Variants in TFB1M observed in about 807,000 individuals in gnomAD.
TFB1M encodes the protein transcription factor B1, mitochondrial, also known as dimethyladenosine transferase 1, mitochondrial.
TFB1M carries 27 observed loss-of-function variants against 31.1 expected under a neutral mutation model. The ratio of observed to expected loss-of-function variants is 0.87; its 90% CI spans 0.64 to 1.20. The LOEUF is 1.20. Among genes scored for constraint, TFB1M ranks in the 50% most tolerant of loss-of-function variants. The pLI, the probability that TFB1M is intolerant of heterozygous loss-of-function variation, is 0.00. For missense variants in TFB1M, 394 were observed against 418.7 expected, an observed-to-expected ratio of 0.94 and a Z score of 0.51; for synonymous variants, 166 against 151.8, an observed-to-expected ratio of 1.09 and a Z score of -0.69.
chr6:155,252,522 T>C (rs1783727200), downstream of TFB1M, among the ~76,000 whole-genome samples: 1 of 152,208 alleles, frequency 6.6e-6, no homozygotes, highest in Admixed American at 6.5e-5. Context: ...GGGGCCTACA[T>C]AGAACATCGA....
intron 6 of TFB1M, among the ~76,000 whole-genome samples, chr6:155,258,523 ACTT>A (rs1231075538): frequency 7.4e-6 from 1 of 135,748 alleles, no homozygotes; most frequent in Non-Finnish European, 1.6e-5. Flanking sequence ...TAAAAGAGTT[ACTT>A]TTTTTTGCTA....
Position 155,256,999 on chromosome 6 carries a change from C to CA in TFB1M, c.*836dup. ...GATCCGTCACCAGTCCCTTGACAGT[C>CA]AGTCTGAAAATGCCACCATCGACCT... On this transcript the variant is annotated 3_prime_UTR_variant, in exon 7 of 7. Coordinates refer to ENST00000367166, the MANE Select transcript of TFB1M (RefSeq NM_016020.4). 6.2e-7 allele frequency: 1 copy of CA among 1,614,154 alleles called. No homozygotes were observed. The highest frequency in any genetic ancestry group is 1.1e-5 in the South Asian group (1 of 91,068).
the TFB1M span, chr6:155,245,636 C>T: frequency 1.2e-6 from 2 of 1,613,926 alleles, no homozygotes; most frequent in East Asian, 4.5e-5. Context: ...TTACTGTTTT[C>T]CCTTGGAGGC....
intron 5 of TFB1M, among the ~76,000 whole-genome samples, chr6:155,279,543 A>G (rs1785394009): frequency 6.6e-6 from 1 of 152,192 alleles, no homozygotes; most frequent in African/African-American, 2.4e-5. Context: ...GTTAGACAGA[A>G]GTTCAGTTTT....
chr6:155,251,134 T>C, downstream of TFB1M: 1 of 905,770 alleles, frequency 1.1e-6, no homozygotes. Flanking sequence ...AGAATTGCTA[T>C]AATGGTTGGG....
intron 6 of TFB1M, among the ~76,000 whole-genome samples, chr6:155,259,323 A>C (rs1001356768): frequency 6.6e-6 from 1 of 152,262 alleles, no homozygotes; most frequent in Admixed American, 6.5e-5. Flanking sequence ...CTGCTAGAGA[A>C]GCAGGAACTA....
At position 155,257,263 on chromosome 6, in the gene TFB1M, A is replaced by G. The variant is rs1784118819; in HGVS notation, c.*573T>C. ...ATACATTTTCCCACAAAATGGTTGTAAAGATTTAAGTTATTTTAATTTATT... is the reference window on the plus strand; with the variant it reads ...ATACATTTTCCCACAAAATGGTTGTGAAGATTTAAGTTATTTTAATTTATT... On this transcript the variant is annotated 3_prime_UTR_variant, in exon 7 of 7. Coordinates refer to ENST00000367166, the MANE Select transcript of TFB1M (RefSeq NM_016020.4). 3 of 945,218 alleles carry G rather than the reference A, an allele frequency of 3.2e-6. No individual in the cohort carries two copies. The highest frequency in any genetic ancestry group is 3.4e-4 in the Middle Eastern group (1 of 2,956). The allele number at this position is 945,218 out of a possible 1,614,324, so 58.6% of individuals were successfully genotyped here.
chr6:155,287,582 G>GTGTGTA (rs532523784), intron 4 of TFB1M, among the ~76,000 whole-genome samples: 2 of 151,084 alleles, frequency 1.3e-5, no homozygotes, highest in Non-Finnish European at 2.9e-5. Flanking sequence ...GTGTATGTGT[G>GTGTGTA]TGTGGTGTAT....
intron 5 of TFB1M, chr6:155,275,580 C>CTT: frequency 3.7e-6 from 3 of 805,612 alleles, no homozygotes; most frequent in Non-Finnish European, 6.0e-6. Flanking sequence ...TACTTACTTT[C>CTT]TTTCGCTCAA....
downstream of TFB1M, chr6:155,254,262 C>A: frequency 9.5e-7 from 1 of 1,049,016 alleles, no homozygotes; most frequent in Non-Finnish European, 1.4e-6. Context: ...TCAATTCTCA[C>A]CTCCTTCTGT....
chr6:155,247,729 A>C, the TFB1M span, among the ~76,000 whole-genome samples: 3 of 152,188 alleles, frequency 2.0e-5, no homozygotes, highest in African/African-American at 7.2e-5. Flanking sequence ...AAAGTCAGAC[A>C]TTCCTGCATT....
chr6:155,296,023 A>AT (rs565376080), intron 4 of TFB1M, among the ~76,000 whole-genome samples: 5 of 152,040 alleles, frequency 3.3e-5, no homozygotes, highest in Non-Finnish European at 7.4e-5. Context: ...TCATAATAAA[A>AT]TTTTTTTAAA....
At chr6:155,261,824 A>G (rs994313343) in intron 5 of TFB1M, among the ~76,000 whole-genome samples, 1 of 152,178 alleles carries the variant, frequency 6.6e-6, no homozygotes, top group African/African-American at 2.4e-5. Flanking sequence ...CGGCCTTTCC[A>G]CACCCCAAAT....
chr6:155,295,234 C>T (rs977267620), intron 4 of TFB1M, among the ~76,000 whole-genome samples: 3 of 151,848 alleles, frequency 2.0e-5, no homozygotes, highest in Admixed American at 6.6e-5. Context: ...GGCGTGGTGG[C>T]GGGCGCCTGT....
Position 155,311,244 on chromosome 6 carries a change from C to A in TFB1M, c.229G>T (p.Asp77Tyr), listed in dbSNP as rs765856279. Reference protein sequence around the residue: ...GGITRSILNADVAELLVVEKD... With the variant: ...GGITRSILNAYVAELLVVEKD... ...TCAACCACCAGAAGTTCAGCGACGT[C>A]GGCATTAAGAATAGATCTTGTGATT... Residue 77 changes from aspartate (D) to tyrosine (Y), a missense_variant, in exon 2 of 7, where the codon GAC becomes TAC. Coordinates refer to ENST00000367166, the MANE Select transcript of TFB1M (RefSeq NM_016020.4). The A allele has an allele frequency of 6.2e-7, 1 of 1,614,074 alleles. No homozygotes were observed. The highest frequency in any genetic ancestry group is 1.7e-5 in the Admixed American group (1 of 60,020).
In TFB1M at chr6:155,257,263, A is replaced by AAAG. The variant is rs1309658387; in HGVS notation, c.*570_*572dup. Reference sequence around the variant, plus strand: ...ATACATTTTCCCACAAAATGGTTGTAAAGATTTAAGTTATTTTAATTTATT... The same window carrying AAAG: ...ATACATTTTCCCACAAAATGGTTGTAAAGAAGATTTAAGTTATTTTAATTTATT... On this transcript the variant is annotated 3_prime_UTR_variant, in exon 7 of 7. Transcript: ENST00000367166. 4.2e-6 allele frequency: 4 copies of AAAG among 945,122 alleles called. No individual in the cohort carries two copies. In the African/African-American group the frequency reaches 5.0e-5, roughly 12 times the overall value. 58.5% of individuals were successfully genotyped at this position (945,122 alleles called of 1,614,324 possible). A position where few individuals can be genotyped will look rare whatever the true frequency, so the allele number is the denominator to read the frequency against.
intron 2 of TFB1M, among the ~76,000 whole-genome samples, chr6:155,300,187 C>T (rs530914390): frequency 6.6e-6 from 1 of 152,158 alleles, no homozygotes; most frequent in East Asian, 1.9e-4. Context: ...CAGATTTATA[C>T]AAATAATCTT....
Position 155,303,540 on chromosome 6 carries a change from A to G in TFB1M, c.286-4955T>C, listed in dbSNP as rs564850113. 3.3e-5 allele frequency: 5 copies of G among 152,350 alleles called. No individual in the cohort carries two copies. The East Asian group carries it at 9.6e-4, about 29-fold the overall frequency. 9.4% of individuals were successfully genotyped at this position (152,350 alleles called of 1,614,324 possible). On this transcript the variant is annotated intron_variant, in intron 2 of 6. Coordinates refer to ENST00000367166, the MANE Select transcript of TFB1M (RefSeq NM_016020.4). ...TTTGCTTACTTGTTGAGTTTTGTCTATGTTATGATTAACTATGGTAACATC... is the reference window on the plus strand; with the variant it reads ...TTTGCTTACTTGTTGAGTTTTGTCTGTGTTATGATTAACTATGGTAACATC...
At chr6:155,287,914 A>C (rs1048003380) in intron 4 of TFB1M, among the ~76,000 whole-genome samples, 2 of 152,136 alleles carry the variant, frequency 1.3e-5, no homozygotes, top group African/African-American at 2.4e-5. Flanking sequence ...TACTGGAATA[A>C]TCCTGGGGCT....
Sources: allele counts gnomAD v4.1 joint callset (sites outside exome capture counted in the v4.1 genomes callset), GRCh38; gene constraint gnomAD v4.1.1; transcripts MANE v1.5; gene names NCBI Gene and HGNC (gene_info 2026-07-23, HGNC 2026-07-21).